Variants in KTN1 observed in about 807,000 individuals in gnomAD.
KTN1 encodes the protein kinectin.
KTN1 carries 130 observed loss-of-function variants against 222.5 expected under a neutral mutation model. That is an observed-to-expected ratio of 0.58 (90% CI 0.51 to 0.68). The LOEUF is 0.68. Among genes scored for constraint, KTN1 ranks in the 30% least tolerant of loss-of-function variants. KTN1 has a pLI of 0.00. For synonymous variants in KTN1, 512 were observed against 496.3 expected (o/e 1.03, Z -0.42); for missense variants, 1,508 against 1,500.4 (o/e 1.01, Z -0.08).
At chr14:55,671,331 C>T in intron 35 of KTN1, 1 of 488,726 alleles carries the variant, frequency 2.0e-6, no homozygotes, top group East Asian at 3.4e-5. Flanking sequence ...TTGATCTTAC[C>T]ACCTGACTAA....
chr14:55,636,174 G>A (rs1233169234), intron 9 of KTN1, among the ~76,000 whole-genome samples: 1 of 152,194 alleles, frequency 6.6e-6, no homozygotes, highest in African/African-American at 2.4e-5. Flanking sequence ...TATAGTAGTA[G>A]CTATCTTGAT....
chr14:55,636,989 A>G (rs1028911114), intron 10 of KTN1, among the ~76,000 whole-genome samples: 5 of 152,026 alleles, frequency 3.3e-5, no homozygotes, highest in South Asian at 2.1e-4. Context: ...CTGGGAGATA[A>G]TGGAGTACGT....
chr14:55,612,662 A>G, intron 2 of KTN1, 91 bp downstream of exon 2: 1 of 1,030,748 alleles, frequency 9.7e-7, no homozygotes, highest in African/African-American at 1.7e-5. Flanking sequence ...CAGAATGTTT[A>G]ATATTGAATT....
intron 18 of KTN1, among the ~76,000 whole-genome samples, chr14:55,642,313 G>C (rs917391032): frequency 2.6e-4 from 39 of 152,144 alleles, no homozygotes; most frequent in African/African-American, 9.4e-4. Context: ...TTTTCCCTTA[G>C]AGTATTTATT....
intron 4 of KTN1, among the ~76,000 whole-genome samples, 164 bp from the exon 5 acceptor site, chr14:55,619,018 C>T (rs1180778145): frequency 6.6e-6 from 1 of 151,700 alleles, no homozygotes; most frequent in African/African-American, 2.4e-5. Flanking sequence ...CCCTTTTTTT[C>T]CTCTTGACTG....
intron 5 of KTN1, among the ~76,000 whole-genome samples, chr14:55,627,376 T>C (rs2039971184): frequency 6.6e-6 from 1 of 152,242 alleles, no homozygotes; most frequent in Non-Finnish European, 1.5e-5. Flanking sequence ...GAACTCTGCA[T>C]TGACCCAAGA....
intron 2 of KTN1, 127 bp downstream of exon 2, chr14:55,612,698 A>G (rs559012501): frequency 6.3e-6 from 5 of 799,158 alleles, no homozygotes; most frequent in Middle Eastern, 3.2e-4. Flanking sequence ...TCATTTCATT[A>G]TGTGTTTGCT....
intron 1 of KTN1, among the ~76,000 whole-genome samples, chr14:55,608,850 G>A (rs953224204): frequency 5.9e-5 from 9 of 151,746 alleles, no homozygotes; most frequent in African/African-American, 9.7e-5. Flanking sequence ...GACTGCTCTC[G>A]AATTCCTGAC....
intron 12 of KTN1, 87 bp from the exon 13 acceptor site, chr14:55,639,098 C>T: frequency 1.2e-6 from 1 of 861,316 alleles, no homozygotes. Flanking sequence ...ATTAACTTCT[C>T]TTAAAATTTA....
At chr14:55,682,940 G>A (rs1487203702) in intron 43 of KTN1, 2 of 152,048 alleles carry the variant, frequency 1.3e-5, no homozygotes, top group African/African-American at 2.4e-5. Flanking sequence ...TTTGTCAGTA[G>A]CGTATTGGAG....
chr14:55,617,826 G>T, intron 3 of KTN1, 138 bp from the exon 4 acceptor site: 1 of 607,334 alleles, frequency 1.6e-6, no homozygotes. Context: ...GTTAAATGAC[G>T]AAATAGGAAT....
intron 18 of KTN1, among the ~76,000 whole-genome samples, chr14:55,645,953 A>G (rs1345436927): frequency 6.6e-6 from 1 of 152,228 alleles, no homozygotes; most frequent in Non-Finnish European, 1.5e-5. Context: ...GGAAAAAAGT[A>G]AGAAACTAGC....
intron 18 of KTN1, chr14:55,644,259 C>A: frequency 1.9e-6 from 1 of 534,428 alleles, no homozygotes; most frequent in South Asian, 2.8e-5. Context: ...CCTTTCTATC[C>A]CACAGTCAGA....
intron 19 of KTN1, among the ~76,000 whole-genome samples, chr14:55,647,404 G>A (rs1251746511): frequency 6.6e-6 from 1 of 151,906 alleles, no homozygotes; most frequent in African/African-American, 2.4e-5. Context: ...GGAGGCTGAG[G>A]CGGGTGGATC....
intron 40 of KTN1, chr14:55,673,457 C>G: frequency 2.6e-6 from 1 of 381,464 alleles, no homozygotes. Context: ...CTTTTCTTAG[C>G]TCCTAACAAT....
intron 43 of KTN1, chr14:55,680,907 G>C: frequency 2.7e-6 from 1 of 370,232 alleles, no homozygotes; most frequent in Middle Eastern, 9.7e-4. Flanking sequence ...TTCCAAATTA[G>C]GAAATAACCT....
rs1555381729 is a variant in KTN1, at chr14:55,653,546, T to A, written c.2764-13T>A. The A allele has an allele frequency of 5.0e-6, 8 of 1,605,254 alleles. No homozygotes were observed. Among genetic ancestry groups the A allele is most frequent in the Non-Finnish European group, 6.8e-6 (8 of 1,173,094 alleles). On this transcript the variant is annotated splice_polypyrimidine_tract_variant and intron_variant, in intron 27 of 43. Coordinates refer to ENST00000395314, the MANE Select transcript of KTN1 (RefSeq NM_001079521.2). ...AATGCTAACAGCATTAAAAATATGA[T>A]TCTGTTTCTCAGGCCTCTTCTGCAT...
chr14:55,657,397 GT>G (rs35297700), intron 29 of KTN1, among the ~76,000 whole-genome samples: 35,947 of 137,532 alleles, frequency 0.26, 4,504 homozygotes, highest in East Asian at 0.34. Context: ...CTGAGTTGAC[GT>G]TTTTTTTTTT....
rs752061999 is a variant in KTN1 at position 55,593,171 on chromosome 14, AC to A, written c.-31+12820del. The stretch of plus-strand genomic sequence containing the variant: ...CTGTTTCAATTCTCTTTGTTTGGCA[AC>A]CCTTTTGCTACTTAGAAAACCTCTA... On this transcript the variant is annotated intron_variant, in intron 1 of 43. Coordinates refer to ENST00000395314, the MANE Select transcript of KTN1 (RefSeq NM_001079521.2). Among the ~76,000 whole-genome samples the A allele has an allele frequency of 2.0e-3, 303 of 152,034 alleles. 3 individuals carry two copies. The highest frequency in any genetic ancestry group is 2.6e-3 in the Non-Finnish European group (178 of 67,956).
Sources: allele counts gnomAD v4.1 joint callset (sites outside exome capture counted in the v4.1 genomes callset), GRCh38; gene constraint gnomAD v4.1.1; transcripts MANE v1.5; gene names NCBI Gene and HGNC (gene_info 2026-07-23, HGNC 2026-07-21).